Variants in CALN1 observed in about 807,000 individuals in gnomAD.
CALN1 encodes calcium-binding protein 8.
CALN1 carries 17 observed loss-of-function variants against 30.6 expected under a neutral mutation model. That is an observed-to-expected ratio of 0.56 (90% CI 0.38 to 0.83). CALN1 has a LOEUF of 0.83. CALN1 is among the 40% of genes least tolerant of loss of function. The pLI, the probability that CALN1 is intolerant of heterozygous loss-of-function variation, is 0.00. For synonymous variants in CALN1, 156 were observed against 131.4 expected, an observed-to-expected ratio of 1.19 and a Z score of -1.28; for missense variants, 291 against 354.9, an observed-to-expected ratio of 0.82 and a Z score of 1.45.
intron 5 of CALN1, among the ~76,000 whole-genome samples, chr7:71,914,112 G>A (rs1317105541): frequency 3.3e-5 from 5 of 152,130 alleles, no homozygotes; most frequent in Non-Finnish European, 7.3e-5. Context: ...AGGTAAGCTT[G>A]TGTCATGGGG....
At chr7:71,806,264 A>ATG (rs1562795496) in intron 6 of CALN1, among the ~76,000 whole-genome samples, 2 of 137,982 alleles carry the variant, frequency 1.4e-5, no homozygotes, top group African/African-American at 6.1e-5. Flanking sequence ...ACACACACAC[A>ATG]CACACAAACA....
chr7:72,432,393 A>C (rs1227117655), intron 1 of CALN1, among the ~76,000 whole-genome samples: 3 of 152,124 alleles, frequency 2.0e-5, no homozygotes, highest in African/African-American at 7.2e-5. Context: ...ATGAGAACAG[A>C]CTAATACAAG....
rs534012849 is a variant in CALN1, at chr7:72,229,917, C to T, written c.244+48769G>A. Among the ~76,000 whole-genome samples the T allele has an allele frequency of 5.0e-4, 76 of 151,904 alleles. 2 individuals are homozygous for T. In the South Asian group the frequency reaches 0.015, roughly 29 times the overall value. On this transcript the variant is annotated intron_variant, in intron 3 of 6. Transcript: ENST00000395275. ...CAGCACTTTGGGAGGCTGAGCCGCGCGGATCATGAGGTCAGGAGATCGAGA... is the reference window on the plus strand; with the variant it reads ...CAGCACTTTGGGAGGCTGAGCCGCGTGGATCATGAGGTCAGGAGATCGAGA...
chr7:71,826,928 C>G (rs1214306465), intron 5 of CALN1, among the ~76,000 whole-genome samples: 1 of 152,146 alleles, frequency 6.6e-6, no homozygotes, highest in Non-Finnish European at 1.5e-5. Context: ...CTGGAGATGT[C>G]TATTTCTTAT....
chr7:72,020,840 A>G (rs1422529852), intron 5 of CALN1, among the ~76,000 whole-genome samples: 1 of 152,214 alleles, frequency 6.6e-6, no homozygotes, highest in Non-Finnish European at 1.5e-5. Context: ...CCTGGAAGAC[A>G]GGAGGAGTAG....
At chr7:72,003,034 A>G (rs138901653) in intron 5 of CALN1, among the ~76,000 whole-genome samples, 1,924 of 152,322 alleles carry the variant, frequency 0.013, 22 homozygotes, top group Non-Finnish European at 0.017. Context: ...CTGAGAGATT[A>G]GATTTTAAAT....
rs1346939840 is a variant in CALN1, at chr7:72,309,390, C to T, written c.120-30580G>A. On this transcript the variant is annotated intron_variant, in intron 2 of 6. Coordinates refer to ENST00000395275, the MANE Select transcript of CALN1 (RefSeq NM_031468.4). ...ACCCAAGAAGGGACTCAAAAGGGTC[C>T]CAAGGAACTCAGGAATGGACCCCTC... is the stretch of plus-strand genomic sequence containing the variant. 2.6e-5 allele frequency among the ~76,000 whole-genome samples: 4 copies of T among 152,044 alleles called. No individual in the cohort carries two copies. In the East Asian group the frequency reaches 7.7e-4, roughly 29 times the overall value.
intron 3 of CALN1, among the ~76,000 whole-genome samples, chr7:72,115,322 T>C (rs1271063169): frequency 2.0e-5 from 3 of 148,714 alleles, no homozygotes; most frequent in Non-Finnish European, 4.5e-5. Flanking sequence ...ACTCACTTTT[T>C]AGCACCATCA....
chr7:71,852,341 T>TA (rs1015780166), intron 5 of CALN1, among the ~76,000 whole-genome samples: 8 of 152,012 alleles, frequency 5.3e-5, no homozygotes, highest in Admixed American at 5.2e-4. Context: ...TATTTAGCTT[T>TA]ATAAGAAACT....
intron 2 of CALN1, among the ~76,000 whole-genome samples, chr7:72,285,552 CTTT>C (rs1172279713): frequency 1.3e-5 from 2 of 152,070 alleles, no homozygotes; most frequent in African/African-American, 4.8e-5. Context: ...TCTTACTGTA[CTTT>C]TTTAAAGTAT....
chr7:72,407,278 C>A (rs1806764161), intron 1 of CALN1, among the ~76,000 whole-genome samples: 1 of 152,206 alleles, frequency 6.6e-6, no homozygotes, highest in Non-Finnish European at 1.5e-5. Flanking sequence ...ATAACACCTA[C>A]CTTTTAAAGT....
Position 71,810,842 on chromosome 7 carries a change from A to C in CALN1, c.502-350T>G, listed in dbSNP as rs1787907054. ...TTTATATAATGCATACGTCTCTAAA[A>C]TTTTTATAATTTACCAACACTCTGG... is the stretch of plus-strand genomic sequence containing the variant. On this transcript the variant is annotated intron_variant, in intron 5 of 6. Coordinates refer to ENST00000395275, the MANE Select transcript of CALN1 (RefSeq NM_031468.4). 2.6e-5 allele frequency among the ~76,000 whole-genome samples: 4 copies of C among 151,294 alleles called. No homozygotes were observed. The South Asian group carries it at 8.3e-4, about 32-fold the overall frequency.
intron 5 of CALN1, among the ~76,000 whole-genome samples, chr7:71,917,763 C>G (rs911601986): frequency 6.6e-6 from 1 of 152,102 alleles, no homozygotes; most frequent in Non-Finnish European, 1.5e-5. Context: ...CTGGTCCCAC[C>G]CTTGACGTGT....
At chr7:72,305,521 G>C (rs1049229042) in intron 2 of CALN1, among the ~76,000 whole-genome samples, 1 of 152,154 alleles carries the variant, frequency 6.6e-6, no homozygotes, top group Non-Finnish European at 1.5e-5. Flanking sequence ...TCAGACACCT[G>C]TATCAAACCG....
intron 3 of CALN1, among the ~76,000 whole-genome samples, chr7:72,193,173 G>A (rs1308599393): frequency 3.4e-5 from 5 of 146,100 alleles, no homozygotes; most frequent in Non-Finnish European, 7.6e-5. Flanking sequence ...GGGTGACAGA[G>A]TGAGACTCCA....
rs1410679506 is a variant in CALN1, at chr7:72,271,575, A to AATAT, written c.244+7107_244+7110dup. ...CTGTGCCTGCCTTTTAAAAAAAAAA[A>AATAT]ATATATATATATATATATAGTTTTC... On this transcript the variant is annotated intron_variant, in intron 3 of 6. Transcript: ENST00000395275. Among the ~76,000 whole-genome samples, 21 of 52,132 alleles carry AATAT rather than the reference A, an allele frequency of 4.0e-4. 2 individuals carry two copies. Among genetic ancestry groups the AATAT allele is most frequent in the Admixed American group, 2.0e-3 (10 of 5,098 alleles). The allele number at this position is 52,132 out of a possible 152,430, so 34.2% of individuals were successfully genotyped here.
Position 72,330,017 on chromosome 7 carries a change from G to A in CALN1, c.120-51207C>T, listed in dbSNP as rs999946533. On this transcript the variant is annotated intron_variant, in intron 2 of 6. Coordinates refer to ENST00000395275, the MANE Select transcript of CALN1 (RefSeq NM_031468.4). ...TAAAAATACAAAAATTAGGTCGGGC[G>A]CAGTGGCTTATACCTGTAATCCCAG... Among the ~76,000 whole-genome samples the A allele has an allele frequency of 5.3e-5, 8 of 151,632 alleles. No individual in the cohort carries two copies. In the East Asian group the frequency reaches 9.7e-4, roughly 18 times the overall value.
intron 2 of CALN1, among the ~76,000 whole-genome samples, chr7:72,368,187 GTA>G (rs1034422250): frequency 1.4e-4 from 21 of 150,374 alleles, no homozygotes; most frequent in African/African-American, 3.2e-4. Context: ...ATGTGTATCT[GTA>G]TATATATATG....
intron 3 of CALN1, among the ~76,000 whole-genome samples, chr7:72,172,698 C>T (rs551108416): frequency 6.6e-6 from 1 of 152,250 alleles, no homozygotes; most frequent in East Asian, 1.9e-4. Flanking sequence ...TTCTTACGAC[C>T]ATTTCAATGA....
Sources: allele counts gnomAD v4.1 joint callset (sites outside exome capture counted in the v4.1 genomes callset), GRCh38; gene constraint gnomAD v4.1.1; transcripts MANE v1.5; gene names NCBI Gene and HGNC (gene_info 2026-07-23, HGNC 2026-07-21).